ATP6V1G3: variants seen among roughly 807,000 people sequenced by gnomAD.
ATP6V1G3 encodes the protein V-type proton ATPase subunit G 3.
ATP6V1G3 carries 9 observed loss-of-function variants against 9.3 expected under a neutral mutation model. The observed-to-expected ratio is 0.97, with a 90% CI of 0.59 to 1.69. The LOEUF (loss-of-function observed/expected upper bound fraction) is 1.69. Ranked by LOEUF, ATP6V1G3 falls within the 40% of genes most tolerant of loss-of-function variation. ATP6V1G3 has a pLI of 0.00. For missense variants in ATP6V1G3, 133 were observed against 139.0 expected (o/e 0.96, Z 0.22); for synonymous variants, 43 against 43.8 (o/e 0.98, Z 0.07).
At chr1:198,540,527 CTTTG>C (rs1183511080) in intron 1 of ATP6V1G3, 38 bp downstream of exon 1, 26 of 1,585,390 alleles carry the variant, frequency 1.6e-5, no homozygotes, top group Non-Finnish European at 2.3e-5. Flanking sequence ...CATTCCACTG[CTTTG>C]TTTATTTCGT....
At chr1:198,528,365 C>G (rs1214872364) in intron 2 of ATP6V1G3, among the ~76,000 whole-genome samples, 2 of 151,988 alleles carry the variant, frequency 1.3e-5, no homozygotes, top group Non-Finnish European at 2.9e-5. Flanking sequence ...CTGCACAGAG[C>G]TTTACTTATA....
At chr1:198,533,213 A>G (rs1319844373) in intron 1 of ATP6V1G3, among the ~76,000 whole-genome samples, 1 of 151,812 alleles carries the variant, frequency 6.6e-6, no homozygotes, top group Non-Finnish European at 1.5e-5. Context: ...CTGAGGCAGG[A>G]GAATCGCTTG....
intron 2 of ATP6V1G3, among the ~76,000 whole-genome samples, chr1:198,524,277 A>G (rs2103129114): frequency 6.6e-6 from 1 of 152,150 alleles, no homozygotes; most frequent in Admixed American, 6.5e-5. Context: ...GGCGTGTGCC[A>G]TGATACCCTG....
intron 1 of ATP6V1G3, among the ~76,000 whole-genome samples, chr1:198,534,571 A>G (rs1271947886): frequency 1.3e-5 from 2 of 152,216 alleles, no homozygotes; most frequent in African/African-American, 4.8e-5. Context: ...GAGAATCAGC[A>G]AGGAGCATAG....
chr1:198,525,117 C>G (rs955440660), intron 2 of ATP6V1G3, among the ~76,000 whole-genome samples: 9 of 152,102 alleles, frequency 5.9e-5, no homozygotes, highest in Non-Finnish European at 1.3e-4. Context: ...ATACAAGAAG[C>G]AGAAACATAT....
intron 1 of ATP6V1G3, among the ~76,000 whole-genome samples, chr1:198,533,511 C>T (rs1425496855): frequency 1.3e-5 from 2 of 152,074 alleles, no homozygotes; most frequent in Admixed American, 1.3e-4. Flanking sequence ...GCATGAGAGA[C>T]AGATATGAGT....
intron 2 of ATP6V1G3, among the ~76,000 whole-genome samples, chr1:198,528,108 T>A (rs1365427146): frequency 6.6e-6 from 1 of 152,106 alleles, no homozygotes; most frequent in Non-Finnish European, 1.5e-5. Flanking sequence ...CAAAGGCCAA[T>A]CATGGAGTGT....
chr1:198,526,696 G>T (rs140314862), intron 2 of ATP6V1G3, among the ~76,000 whole-genome samples: 36 of 152,146 alleles, frequency 2.4e-4, no homozygotes, highest in African/African-American at 8.2e-4. Flanking sequence ...TCCCATCACC[G>T]CAAGAAAAAC....
intron 2 of ATP6V1G3, among the ~76,000 whole-genome samples, chr1:198,524,123 ATTT>A (rs10712995): frequency 3.7e-4 from 49 of 133,238 alleles, no homozygotes; most frequent in Admixed American, 5.3e-4. Flanking sequence ...TATATGCACA[ATTT>A]TTTTTTTTTT....
chr1:198,531,026 T>A (rs1659877925), intron 1 of ATP6V1G3, among the ~76,000 whole-genome samples: 2 of 151,554 alleles, frequency 1.3e-5, no homozygotes, highest in South Asian at 4.2e-4. Flanking sequence ...TAGGAAAGGG[T>A]CTGTGTGCCC....
At chr1:198,538,891 C>CAAAAAAAAAAAAAAAAA (rs71569596) in intron 1 of ATP6V1G3, among the ~76,000 whole-genome samples, 77 of 97,310 alleles carry the variant, frequency 7.9e-4, no homozygotes, top group African/African-American at 3.1e-3. Flanking sequence ...GACCCTGTCT[C>CAAAAAAAAAAAAAAAAA]AAAAAAAAAA....
At chr1:198,538,618 A>G (rs1176851252) in intron 1 of ATP6V1G3, among the ~76,000 whole-genome samples, 5 of 152,140 alleles carry the variant, frequency 3.3e-5, no homozygotes, top group Non-Finnish European at 7.4e-5. Context: ...AGAAGTTTTT[A>G]AAAAGGCCTG....
At chr1:198,528,735 C>A (rs1353562101) in intron 2 of ATP6V1G3, among the ~76,000 whole-genome samples, 2 of 151,894 alleles carry the variant, frequency 1.3e-5, no homozygotes, top group Non-Finnish European at 2.9e-5. Context: ...AAAACATGTT[C>A]TCTGAAGTTA....
At chr1:198,535,350 A>G (rs1660066093) in intron 1 of ATP6V1G3, among the ~76,000 whole-genome samples, 2 of 152,190 alleles carry the variant, frequency 1.3e-5, no homozygotes, top group Admixed American at 6.5e-5. Flanking sequence ...TGCATAGTGA[A>G]GAATTTATTA....
At chr1:198,524,814 C>T (rs1442419854) in intron 2 of ATP6V1G3, among the ~76,000 whole-genome samples, 1 of 152,154 alleles carries the variant, frequency 6.6e-6, no homozygotes, top group Admixed American at 6.6e-5. Flanking sequence ...TGTTTGTTTG[C>T]TTTTTCCGTC....
At chr1:198,539,230 A>G (rs1660250388) in intron 1 of ATP6V1G3, among the ~76,000 whole-genome samples, 1 of 152,154 alleles carries the variant, frequency 6.6e-6, no homozygotes, top group Admixed American at 6.6e-5. Flanking sequence ...TGAAAACTTT[A>G]GTGTACCTGC....
At chr1:198,529,335 A>T (rs972351435) in intron 1 of ATP6V1G3, among the ~76,000 whole-genome samples, 154 bp from the exon 2 acceptor site, 3 of 150,998 alleles carry the variant, frequency 2.0e-5, no homozygotes, top group Non-Finnish European at 4.4e-5. Context: ...TAGTTTTTTT[A>T]AAATAGATAC....
rs1659518436 is a variant in ATP6V1G3, at chr1:198,523,357, C to CACCTTTTT, written c.*26_*33dup. 1.3e-6 allele frequency: 2 copies of CACCTTTTT among 1,593,988 alleles called. No homozygotes were observed. The highest frequency in any genetic ancestry group is 1.7e-6 in the Non-Finnish European group (2 of 1,170,080). On this transcript the variant is annotated 3_prime_UTR_variant, in exon 3 of 3. Coordinates refer to ENST00000367382, the MANE Select transcript of ATP6V1G3 (RefSeq NM_001376861.1). The stretch of plus-strand genomic sequence containing the variant: ...CATAAGCAACCAGGTGGCACTCACA[C>CACCTTTTT]ACCTTTTTTTTTCTTGAAAACTGTG...
intron 1 of ATP6V1G3, among the ~76,000 whole-genome samples, chr1:198,534,982 C>G (rs1449815182): frequency 6.6e-6 from 1 of 152,168 alleles, no homozygotes; most frequent in Non-Finnish European, 1.5e-5. Flanking sequence ...GCTTCTCTTA[C>G]ACTAAATTTA....
Sources: allele counts gnomAD v4.1 joint callset (sites outside exome capture counted in the v4.1 genomes callset), GRCh38; gene constraint gnomAD v4.1.1; transcripts MANE v1.5; gene names NCBI Gene and HGNC (gene_info 2026-07-23, HGNC 2026-07-21).